The following CHST15 variants were observed in gnomAD, a reference collection of about 807,000 sequenced individuals.
CHST15 encodes carbohydrate sulfotransferase 15, also known as B cell RAG associated protein (GALNAC4S-6ST).
Under a neutral mutation model 53.6 loss-of-function variants are expected in CHST15, and 30 were observed. That is an observed-to-expected ratio of 0.56 (90% CI 0.42 to 0.76). The LOEUF (loss-of-function observed/expected upper bound fraction) is 0.76, where lower values mean the gene tolerates loss of function less well. Among genes scored for constraint, CHST15 ranks in the 30% least tolerant of loss-of-function variants. The pLI is 0.00. For missense variants in CHST15, 627 were observed against 740.5 expected (o/e 0.85, Z 1.78); for synonymous variants, 296 against 289.8 (o/e 1.02, Z -0.22).
At chr10:124,052,729 AG>A (rs1481211170) in intron 1 of CHST15, among the ~76,000 whole-genome samples, 1 of 152,184 alleles carries the variant, frequency 6.6e-6, no homozygotes, top group Non-Finnish European at 1.5e-5. Context: ...CATTCATGTA[AG>A]GTGCTTAAAA....
intron 1 of CHST15, among the ~76,000 whole-genome samples, chr10:124,067,425 T>C (rs560820991): frequency 2.0e-5 from 3 of 152,258 alleles, no homozygotes; most frequent in Admixed American, 2.0e-4. Flanking sequence ...ACTTGAGAGA[T>C]CACACTGTCG....
chr10:124,046,254 G>A lies in CHST15; in HGVS notation c.-42C>T, dbSNP rs764530431. 6.5e-7 allele frequency: 1 copy of A among 1,533,462 alleles called. No homozygotes were observed. The highest frequency in any genetic ancestry group is 2.3e-5 in the East Asian group (1 of 44,218). 95.0% of individuals were successfully genotyped at this position (1,533,462 alleles called of 1,614,324 possible). On this transcript the variant is annotated 5_prime_UTR_variant, in exon 2 of 8. Transcript: ENST00000435907. ...TGGGCTGCTGGCTTACCGAGCCATG[G>A]GTGGGCCCCCCACGAGTCTGGATGT...
intron 1 of CHST15, among the ~76,000 whole-genome samples, chr10:124,084,497 G>GC (rs35406718): frequency 0.7 from 105,849 of 151,864 alleles, 37,237 homozygotes; most frequent in African/African-American, 0.78. Flanking sequence ...AGCTCCTGCT[G>GC]CCCATCAAGC....
chr10:124,014,855 C>T (rs1946537534), intron 6 of CHST15, among the ~76,000 whole-genome samples: 1 of 152,206 alleles, frequency 6.6e-6, no homozygotes, highest in South Asian at 2.1e-4. Flanking sequence ...TTGTTTGTGT[C>T]CATCCTCATG....
At chr10:124,042,968 T>C (rs992746489) in intron 3 of CHST15, among the ~76,000 whole-genome samples, 5 of 152,140 alleles carry the variant, frequency 3.3e-5, no homozygotes, top group Admixed American at 1.3e-4. Flanking sequence ...CCCTGTTCAA[T>C]CAAATACCCT....
chr10:124,018,739 C>T (rs935939503), intron 6 of CHST15, among the ~76,000 whole-genome samples: 1 of 152,128 alleles, frequency 6.6e-6, no homozygotes, highest in African/African-American at 2.4e-5. Flanking sequence ...TAGAAAGATG[C>T]CTGGTGCAAC....
At chr10:124,012,625 G>T in intron 6 of CHST15, 145 bp from the exon 7 acceptor site, 1 of 916,424 alleles carries the variant, frequency 1.1e-6, no homozygotes. Context: ...TTAACACAAG[G>T]TGTTCTTGCT....
chr10:124,030,928 T>C (rs889527152), intron 5 of CHST15, among the ~76,000 whole-genome samples: 1 of 152,260 alleles, frequency 6.6e-6, no homozygotes, highest in Non-Finnish European at 1.5e-5. Context: ...CTCCCTCTGA[T>C]GTGGAAGTAG....
At chr10:124,035,086 G>A (rs1417071713) in intron 5 of CHST15, among the ~76,000 whole-genome samples, 2 of 144,208 alleles carry the variant, frequency 1.4e-5, no homozygotes, top group African/African-American at 2.6e-5. Flanking sequence ...CAGGGACGCC[G>A]GCTCCACCCC....
chr10:124,044,070 A>G lies in CHST15; in HGVS notation c.886+510T>C, dbSNP rs111861869. On this transcript the variant is annotated intron_variant, in intron 3 of 7. Transcript: ENST00000435907. ...AGGAACAGCACAGAGCAGGGGAACAACACAGAGCAGGGAGCGGCACAGAGC... is the reference window on the plus strand; with the variant it reads ...AGGAACAGCACAGAGCAGGGGAACAGCACAGAGCAGGGAGCGGCACAGAGC... Among the ~76,000 whole-genome samples, 955 of 144,134 alleles carry G rather than the reference A, an allele frequency of 6.6e-3. 8 individuals are homozygous for G. The highest frequency in any genetic ancestry group is 0.025 in the African/African-American group (919 of 36,330). 94.6% of individuals were successfully genotyped at this position (144,134 alleles called of 152,430 possible). A position where few individuals can be genotyped will look rare whatever the true frequency, so the allele number is the denominator to read the frequency against.
At chr10:124,035,293 CT>C (rs1271988602) in intron 5 of CHST15, among the ~76,000 whole-genome samples, 6 of 147,164 alleles carry the variant, frequency 4.1e-5, no homozygotes, top group South Asian at 2.2e-4. Flanking sequence ...GGCTCTACCC[CT>C]GATAGGTACC....
intron 4 of CHST15, among the ~76,000 whole-genome samples, chr10:124,041,176 C>G (rs909799144): frequency 1.3e-5 from 2 of 152,154 alleles, no homozygotes; most frequent in African/African-American, 4.8e-5. Context: ...AAGTCTGTCC[C>G]CTTGGACAGG....
intron 1 of CHST15, among the ~76,000 whole-genome samples, chr10:124,069,312 AGC>A (rs1948840083): frequency 6.6e-6 from 1 of 152,210 alleles, no homozygotes; most frequent in South Asian, 2.1e-4. Context: ...TAATAAATAT[AGC>A]CAGGAAATTC....
intron 5 of CHST15, among the ~76,000 whole-genome samples, chr10:124,023,889 G>A (rs1403165918): frequency 6.6e-6 from 1 of 151,238 alleles, no homozygotes; most frequent in Non-Finnish European, 1.5e-5. Flanking sequence ...TGTTGCCCAG[G>A]TTGGAGTGGA....
chr10:124,066,778 G>C (rs779988541), intron 1 of CHST15, among the ~76,000 whole-genome samples: 7 of 152,224 alleles, frequency 4.6e-5, no homozygotes, highest in Non-Finnish European at 8.8e-5. Context: ...CCTCCCTCCT[G>C]GGGAGGTGGG....
At chr10:124,017,125 T>C (rs1590183048) in intron 6 of CHST15, among the ~76,000 whole-genome samples, 1 of 152,198 alleles carries the variant, frequency 6.6e-6, no homozygotes, top group African/African-American at 2.4e-5. Flanking sequence ...TTAGCTCTTC[T>C]GCAGCAAGAA....
chr10:124,044,511 T>A (rs917112180), intron 3 of CHST15, 69 bp downstream of exon 3: 15 of 1,302,678 alleles, frequency 1.2e-5, no homozygotes, highest in African/African-American at 1.5e-5. Context: ...ACCCCAGCGC[T>A]AACGTTGCGG....
In CHST15 at chr10:124,007,947, G is replaced by A. The variant is rs1211732795; in HGVS notation, c.*2202C>T. The A allele has an allele frequency of 4.6e-5, 56 of 1,229,404 alleles. No homozygotes were observed. In the East Asian group the frequency reaches 7.0e-4, roughly 15 times the overall value. 76.2% of individuals were successfully genotyped at this position (1,229,404 alleles called of 1,614,324 possible). A position where few individuals can be genotyped will look rare whatever the true frequency, so the allele number is the denominator to read the frequency against. Reference sequence around the variant, plus strand: ...ATTCTGTCAGCAAGAGCCGGGCCTCGAATGAGAGGAAGCAGAGGCAGCCGA... The same window carrying A: ...ATTCTGTCAGCAAGAGCCGGGCCTCAAATGAGAGGAAGCAGAGGCAGCCGA... On this transcript the variant is annotated 3_prime_UTR_variant, in exon 8 of 8. Transcript: ENST00000435907.
chr10:124,079,331 AT>A (rs1397865210), intron 1 of CHST15, among the ~76,000 whole-genome samples: 2 of 152,238 alleles, frequency 1.3e-5, no homozygotes, highest in Non-Finnish European at 2.9e-5. Context: ...TTTAAAGTTT[AT>A]GAAAATAACT....
Sources: gnomAD v4.1 joint callset for allele counts (sites outside exome capture counted in the v4.1 genomes callset) on GRCh38, gnomAD v4.1.1 for gene constraint, MANE v1.5 for transcripts, NCBI Gene and HGNC (gene_info 2026-07-23, HGNC 2026-07-21) for gene names.